SBF2: variants seen among roughly 807,000 people sequenced by gnomAD.
SBF2 encodes SET binding factor 2, also known as myotubularin-related protein 13.
Under a neutral mutation model 225.2 loss-of-function variants are expected in SBF2, and 112 were observed. The observed-to-expected ratio is 0.50, with a 90% CI of 0.43 to 0.58. The LOEUF (loss-of-function observed/expected upper bound fraction) is 0.58, where lower values mean the gene tolerates loss of function less well. SBF2 is among the 20% of genes least tolerant of loss of function. The pLI is 0.00. For missense variants in SBF2, 1,996 were observed against 2,206.2 expected (o/e 0.90, Z 1.91); for synonymous variants, 763 against 773.3 (o/e 0.99, Z 0.22).
intron 2 of SBF2, among the ~76,000 whole-genome samples, chr11:10,075,715 C>G (rs906422629): frequency 6.6e-6 from 1 of 152,198 alleles, no homozygotes; most frequent in Admixed American, 6.5e-5. Context: ...GCCTCCTGTA[C>G]AGCCAGACTG....
At chr11:9,936,081 A>G (rs1864876247) in intron 16 of SBF2, among the ~76,000 whole-genome samples, 1 of 152,228 alleles carries the variant, frequency 6.6e-6, no homozygotes, top group African/African-American at 2.4e-5. Flanking sequence ...AATATCCAGA[A>G]TCTACAAAGA....
At chr11:10,254,090 A>G (rs1960625345) in intron 1 of SBF2, among the ~76,000 whole-genome samples, 1 of 152,202 alleles carries the variant, frequency 6.6e-6, no homozygotes, top group East Asian at 1.9e-4. Context: ...GGTTGCTCAA[A>G]CAATTAAAAA....
chr11:10,207,337 G>A (rs926661203), intron 1 of SBF2, among the ~76,000 whole-genome samples: 2 of 152,094 alleles, frequency 1.3e-5, no homozygotes, highest in Non-Finnish European at 1.5e-5. Context: ...ATTGGCTGAA[G>A]GAAGGTGTTT....
intron 1 of SBF2, among the ~76,000 whole-genome samples, chr11:10,226,113 T>A (rs1958526455): frequency 6.6e-6 from 1 of 152,168 alleles, no homozygotes; most frequent in Non-Finnish European, 1.5e-5. Flanking sequence ...AAATAAATTA[T>A]GGCATATTCA....
intron 26 of SBF2, chr11:9,838,035 CA>C (rs1855845617): frequency 1.1e-5 from 1 of 92,780 alleles, no homozygotes; most frequent in Non-Finnish European, 2.3e-5. Context: ...TGAGCCCAGC[CA>C]CTTTTTTTTT....
chr11:10,169,569 C>T (rs995958765), intron 2 of SBF2, among the ~76,000 whole-genome samples: 4 of 152,092 alleles, frequency 2.6e-5, no homozygotes, highest in Non-Finnish European at 5.9e-5. Flanking sequence ...TTTCTTTATC[C>T]GTTTGTCTGT....
At chr11:10,161,512 G>A (rs1379009797) in intron 2 of SBF2, among the ~76,000 whole-genome samples, 2 of 152,232 alleles carry the variant, frequency 1.3e-5, no homozygotes, top group South Asian at 2.1e-4. Flanking sequence ...TAATATGGGA[G>A]AGACGGCTGG....
chr11:10,299,600 T>C (rs1964577011), intron 1 of SBF2, among the ~76,000 whole-genome samples: 2 of 152,206 alleles, frequency 1.3e-5, no homozygotes, highest in South Asian at 4.1e-4. Flanking sequence ...CAAAACAGCT[T>C]CAGCAGAGCA....
chr11:10,148,453 T>C (rs1390378664), intron 2 of SBF2, among the ~76,000 whole-genome samples: 1 of 152,048 alleles, frequency 6.6e-6, no homozygotes, highest in Non-Finnish European at 1.5e-5. Context: ...AAAGAGAGAA[T>C]CTAATTAGTT....
intron 16 of SBF2, among the ~76,000 whole-genome samples, chr11:9,910,852 T>C (rs1356492602): frequency 1.6e-4 from 20 of 128,318 alleles, no homozygotes; most frequent in African/African-American, 5.8e-4. Context: ...ATTGAGACCA[T>C]TTGGCCAACA....
chr11:10,294,596 C>T (rs80321141), upstream of SBF2, among the ~76,000 whole-genome samples: 814 of 152,384 alleles, frequency 5.3e-3, 7 homozygotes, highest in African/African-American at 0.018. Context: ...CTCCCGCCCT[C>T]GGTTGGAAGC....
intron 2 of SBF2, among the ~76,000 whole-genome samples, chr11:10,130,403 A>G (rs993359999): frequency 3.3e-5 from 5 of 152,138 alleles, no homozygotes; most frequent in Non-Finnish European, 5.9e-5. Context: ...AACACTCTTA[A>G]CAATATACCC....
At chr11:9,921,065 T>C (rs1269918823) in intron 16 of SBF2, among the ~76,000 whole-genome samples, 1 of 12,738 alleles carries the variant, frequency 7.9e-5, no homozygotes, top group African/African-American at 3.5e-4. Flanking sequence ...TGAAAACTTC[T>C]TTTTTTTTTT....
At chr11:9,920,219 TAC>T (rs371322989) in intron 16 of SBF2, among the ~76,000 whole-genome samples, 5 of 149,620 alleles carry the variant, frequency 3.3e-5, no homozygotes, top group African/African-American at 9.8e-5. Flanking sequence ...TATATATATA[TAC>T]ACACACATAT....
Position 10,245,133 on chromosome 11 carries a change from C to CAAA in SBF2, c.55+48879_55+48881dup, listed in dbSNP as rs60827616. On this transcript the variant is annotated intron_variant, in intron 1 of 39. Coordinates refer to ENST00000256190, the MANE Select transcript of SBF2 (RefSeq NM_030962.4). ...TGGGCAACGGAGTGAGACCCTGTCT[C>CAAA]AAAAAAAAAAAAAAAAAAAATTAAA... 9.7e-3 allele frequency among the ~76,000 whole-genome samples: 899 copies of CAAA among 92,372 alleles called. 14 individuals carry two copies. The highest frequency in any genetic ancestry group is 0.014 in the Non-Finnish European group (684 of 47,558). 60.6% of individuals were successfully genotyped at this position (92,372 alleles called of 152,430 possible). A position where few individuals can be genotyped will look rare whatever the true frequency, so the allele number is the denominator to read the frequency against.
intron 16 of SBF2, chr11:9,958,785 G>A: frequency 7.9e-6 from 4 of 504,468 alleles, no homozygotes; most frequent in South Asian, 7.3e-5. Context: ...AGAAGACACG[G>A]GCAGATGAGG....
At chr11:9,813,603 G>A (rs762020296) in intron 29 of SBF2, among the ~76,000 whole-genome samples, 5 of 152,208 alleles carry the variant, frequency 3.3e-5, no homozygotes, top group Non-Finnish European at 7.3e-5. Context: ...TGAGATTACA[G>A]GCGTGAGCCA....
At chr11:10,250,151 CA>C (rs1194012981) in intron 1 of SBF2, among the ~76,000 whole-genome samples, 5 of 152,002 alleles carry the variant, frequency 3.3e-5, no homozygotes, top group Non-Finnish European at 7.4e-5. Context: ...CTAACCCAAG[CA>C]GAACCAAAAA....
chr11:9,812,766 G>A (rs961097326), intron 29 of SBF2, 58 bp from the exon 30 acceptor site: 4 of 1,552,674 alleles, frequency 2.6e-6, no homozygotes, highest in Non-Finnish European at 3.5e-6. Context: ...AAAGAGTGAT[G>A]TTTCCAATGG....
Sources: gnomAD v4.1 joint callset for allele counts (sites outside exome capture counted in the v4.1 genomes callset) on GRCh38, gnomAD v4.1.1 for gene constraint, MANE v1.5 for transcripts, NCBI Gene and HGNC (gene_info 2026-07-23, HGNC 2026-07-21) for gene names.